Variants in TANC1 observed in about 807,000 individuals in gnomAD.
The protein encoded by TANC1 is protein TANC1.
A neutral mutation model predicts 149.7 loss-of-function variants in TANC1; 77 were observed. The observed-to-expected ratio is 0.51, with a 90% CI of 0.43 to 0.62. TANC1 has a LOEUF of 0.62. Ranked by LOEUF, TANC1 falls within the 20% of genes least tolerant of loss-of-function variation. The probability of loss-of-function intolerance (pLI) is 0.00; values close to 1 mark genes in which losing one functional copy is unlikely to be tolerated. For synonymous variants in TANC1, 854 were observed against 925.0 expected (o/e 0.92, Z 1.39); for missense variants, 1,985 against 2,321.8 (o/e 0.85, Z 2.98).
intron 5 of TANC1, among the ~76,000 whole-genome samples, chr2:159,146,212 G>A (rs2052065906): frequency 6.6e-6 from 1 of 152,186 alleles, no homozygotes; most frequent in East Asian, 1.9e-4. Context: ...AGAGTGAGAA[G>A]TTCAGTGAGA....
intron 1 of TANC1, among the ~76,000 whole-genome samples, chr2:158,988,670 A>G (rs1051146843): frequency 1.3e-5 from 2 of 152,160 alleles, no homozygotes; most frequent in Admixed American, 6.5e-5. Flanking sequence ...GTCACTTAAC[A>G]GGAGCCAATT....
At chr2:158,976,646 C>T (rs574934412) in intron 1 of TANC1, among the ~76,000 whole-genome samples, 2 of 152,242 alleles carry the variant, frequency 1.3e-5, no homozygotes, top group East Asian at 1.9e-4. Context: ...TTTGGGAGGC[C>T]AAGGCGGGCA....
rs763486845 is a variant in TANC1, at chr2:159,230,536, A to G, written c.5110A>G (p.Lys1704Glu). Residue 1704 changes from lysine to glutamate, a missense_variant, in exon 27 of 27, where the codon AAG becomes GAG. Lys to Glu is a moderately conservative substitution (Grantham distance 56, BLOSUM62 1). Transcript: ENST00000263635. This position sits in a 1 kb window ranked among gnomAD's most constrained non-coding sequence, Gnocchi z 4.4. ...AGGACCAGATACTAGAATTAAAGAC[A>G]AGGTTGTAACCCACGTTCAGAGCGG... is the stretch of plus-strand genomic sequence containing the variant. Reference protein sequence around the residue: ...VQGPDTRIKDKVVTHVQSGTA... With the variant: ...VQGPDTRIKDEVVTHVQSGTA... 1.5e-5 allele frequency: 25 copies of G among 1,614,108 alleles called. 1 individual carries two copies. In the South Asian group the frequency reaches 2.6e-4, roughly 17 times the overall value.
intron 1 of TANC1, among the ~76,000 whole-genome samples, chr2:158,981,205 G>T (rs1007846710): frequency 6.6e-6 from 1 of 151,726 alleles, no homozygotes; most frequent in African/African-American, 2.4e-5. Context: ...CTGTAATCCT[G>T]GCACTTTGGG....
At chr2:159,150,170 C>T (rs2052620215) in intron 6 of TANC1, 200 bp from the exon 7 acceptor site, 6 of 444,596 alleles carry the variant, frequency 1.3e-5, no homozygotes, top group Non-Finnish European at 2.4e-5. Flanking sequence ...ACTGCTTTCT[C>T]AAAATTTGGA....
chr2:159,193,134 TC>T (rs1457164198), intron 16 of TANC1, among the ~76,000 whole-genome samples: 5 of 152,172 alleles, frequency 3.3e-5, no homozygotes. Context: ...AACTCTCATT[TC>T]CCCTGTGCCC....
intron 8 of TANC1, among the ~76,000 whole-genome samples, chr2:159,166,356 C>T (rs1268834786): frequency 6.6e-6 from 1 of 152,160 alleles, no homozygotes; most frequent in African/African-American, 2.4e-5. Flanking sequence ...AAATGTTCTT[C>T]TTTGTTCAGC....
At chr2:159,115,811 G>A (rs75624470) in intron 4 of TANC1, among the ~76,000 whole-genome samples, 1 of 152,066 alleles carries the variant, frequency 6.6e-6, no homozygotes, top group Non-Finnish European at 1.5e-5. Context: ...TTCCAAGGTG[G>A]GCATTATTCC....
chr2:158,987,270 G>C (rs2035115233), intron 1 of TANC1, among the ~76,000 whole-genome samples: 1 of 149,184 alleles, frequency 6.7e-6, no homozygotes, highest in African/African-American at 2.5e-5. Context: ...TCATGCCTGT[G>C]ATCCCAGCAG....
At chr2:159,047,287 C>T (rs1257100297) in intron 2 of TANC1, among the ~76,000 whole-genome samples, 2 of 151,912 alleles carry the variant, frequency 1.3e-5, no homozygotes, top group African/African-American at 4.8e-5. Context: ...CTACTTTCTA[C>T]CCTGTCACTC....
chr2:159,107,467 C>T (rs1249720434), intron 4 of TANC1, among the ~76,000 whole-genome samples: 1 of 152,220 alleles, frequency 6.6e-6, no homozygotes, highest in Non-Finnish European at 1.5e-5. Flanking sequence ...TTTCCCCTAA[C>T]AGTTTTGACT....
intron 4 of TANC1, among the ~76,000 whole-genome samples, chr2:159,110,705 G>T (rs1179091112): frequency 6.7e-6 from 1 of 150,062 alleles, no homozygotes; most frequent in Non-Finnish European, 1.5e-5. Flanking sequence ...TAGGGTCGTG[G>T]TGGTTGCAAT....
chr2:159,111,977 T>A (rs2150028268), intron 4 of TANC1, among the ~76,000 whole-genome samples: 1 of 152,344 alleles, frequency 6.6e-6, no homozygotes, highest in South Asian at 2.1e-4. Flanking sequence ...TGTCTTGAAG[T>A]GAGACGTACA....
intron 2 of TANC1, among the ~76,000 whole-genome samples, chr2:159,008,660 T>C (rs1308705984): frequency 6.6e-6 from 1 of 152,352 alleles, no homozygotes; most frequent in South Asian, 2.1e-4. Context: ...TGTGGTATGA[T>C]TGATTTGGAA....
intron 3 of TANC1, among the ~76,000 whole-genome samples, chr2:159,092,480 A>G (rs1256927137): frequency 1.3e-5 from 2 of 152,222 alleles, no homozygotes; most frequent in Admixed American, 6.5e-5. Flanking sequence ...TAATGGTAAA[A>G]ACATTTTAAA....
At chr2:159,044,824 A>G (rs1392099563) in intron 2 of TANC1, among the ~76,000 whole-genome samples, 2 of 152,212 alleles carry the variant, frequency 1.3e-5, no homozygotes, top group South Asian at 2.1e-4. Flanking sequence ...TGAAATGTCT[A>G]TGAGATGTGC....
At chr2:159,041,620 C>T (rs527264960) in intron 2 of TANC1, among the ~76,000 whole-genome samples, 6 of 152,296 alleles carry the variant, frequency 3.9e-5, no homozygotes, top group East Asian at 1.9e-4. Flanking sequence ...CCTGGTGTGC[C>T]GTTTGCTAAG....
chr2:159,100,993 C>T (rs1164659778), intron 4 of TANC1, among the ~76,000 whole-genome samples: 1 of 152,116 alleles, frequency 6.6e-6, no homozygotes, highest in Non-Finnish European at 1.5e-5. Flanking sequence ...GTCTGCAGCA[C>T]CCAGAGGTAT....
chr2:159,178,535 G>T, intron 13 of TANC1, 21 bp from the exon 14 acceptor site: 1 of 1,537,152 alleles, frequency 6.5e-7, no homozygotes, highest in Non-Finnish European at 8.7e-7. Flanking sequence ...TGACACTGTG[G>T]GTTTTTGTTT....
Sources: gnomAD v4.1 joint callset for allele counts (sites outside exome capture counted in the v4.1 genomes callset) on GRCh38, gnomAD v4.1.1 for gene constraint, Gnocchi (gnomAD v3.1) non-coding constraint, MANE v1.5 for transcripts, NCBI Gene and HGNC (gene_info 2026-07-23, HGNC 2026-07-21) for gene names.